The following CDH13 variants were observed in gnomAD, a reference collection of about 807,000 sequenced individuals.
CDH13 encodes the protein cadherin 13.
Under a neutral mutation model 63.8 loss-of-function variants are expected in CDH13, and 24 were observed. That is an observed-to-expected ratio of 0.38 (90% CI 0.27 to 0.53). The LOEUF is 0.53. CDH13 is among the 20% of genes least tolerant of loss of function. The probability of loss-of-function intolerance (pLI) is 0.85; values close to 1 mark genes in which losing one functional copy is unlikely to be tolerated. For synonymous variants in CDH13, 503 were observed against 355.3 expected (o/e 1.42, Z -4.67); for missense variants, 1,049 against 903.1 (o/e 1.16, Z -2.07).
At chr16:83,625,173 T>TGTGTGTGTGTGTGCTC (rs1491282764) in intron 8 of CDH13, among the ~76,000 whole-genome samples, 1 of 150,678 alleles carries the variant, frequency 6.6e-6, no homozygotes, top group Non-Finnish European at 1.5e-5. Flanking sequence ...TGTGTGCTCA[T>TGTGTGTGTGTGTGCTC]GTGTGTGTGT....
chr16:83,180,971 T>C, intron 4 of CDH13: 2 of 1,532,350 alleles, frequency 1.3e-6, no homozygotes, highest in Non-Finnish European at 8.7e-7. Flanking sequence ...GAACATCCTA[T>C]TTGGCGACAT....
intron 5 of CDH13, among the ~76,000 whole-genome samples, chr16:83,264,803 A>G (rs1907413049): frequency 6.6e-6 from 1 of 151,728 alleles, no homozygotes; most frequent in South Asian, 2.1e-4. Context: ...TTATACTATC[A>G]TCATACTATT....
chr16:83,779,057 G>A (rs1391292050), intron 11 of CDH13, among the ~76,000 whole-genome samples: 1 of 152,196 alleles, frequency 6.6e-6, no homozygotes, highest in East Asian at 1.9e-4. Context: ...ACTTTTTAGT[G>A]TGTGTCAGAA....
At chr16:83,655,811 C>G (rs1289956330) in intron 8 of CDH13, among the ~76,000 whole-genome samples, 2 of 152,122 alleles carry the variant, frequency 1.3e-5, no homozygotes, top group Non-Finnish European at 2.9e-5. Context: ...AAATTTGTAA[C>G]AAAATGACTC....
chr16:82,647,095 C>T (rs914176471), intron 1 of CDH13, among the ~76,000 whole-genome samples: 45 of 152,214 alleles, frequency 3.0e-4, no homozygotes, highest in African/African-American at 1.0e-3. Flanking sequence ...AAGCCCAGCT[C>T]TGCCACTGTA....
intron 10 of CDH13, among the ~76,000 whole-genome samples, chr16:83,715,408 G>T (rs1300990818): frequency 6.6e-6 from 1 of 152,180 alleles, no homozygotes; most frequent in Non-Finnish European, 1.5e-5. Context: ...TCAGGCAGTT[G>T]TTTGTTTTAG....
At chr16:83,232,294 G>T (rs7186556) in intron 5 of CDH13, among the ~76,000 whole-genome samples, 1 of 145,632 alleles carries the variant, frequency 6.9e-6, no homozygotes, top group African/African-American at 2.6e-5. Context: ...GGAAGCTGAG[G>T]CGAGCAGATC....
At chr16:83,539,279 C>G (rs2075255666) in intron 7 of CDH13, among the ~76,000 whole-genome samples, 1 of 152,150 alleles carries the variant, frequency 6.6e-6, no homozygotes, top group East Asian at 1.9e-4. Flanking sequence ...AGATCCCTCA[C>G]ACGTGCAGTT....
chr16:83,052,801 A>AAAAAAAAGAAAG (rs1555571697), intron 3 of CDH13, among the ~76,000 whole-genome samples: 1 of 122,656 alleles, frequency 8.2e-6, no homozygotes, highest in African/African-American at 3.3e-5. Context: ...AAAAAAAAAA[A>AAAAAAAAGAAAG]AAAGAAAGAA....
At chr16:82,851,004 C>T (rs2039458111) in intron 1 of CDH13, among the ~76,000 whole-genome samples, 1 of 152,150 alleles carries the variant, frequency 6.6e-6, no homozygotes, top group African/African-American at 2.4e-5. Context: ...TGTTTTATTG[C>T]TATGGTCTGG....
chr16:83,711,493 G>T (rs1318486146), intron 10 of CDH13, among the ~76,000 whole-genome samples: 3 of 152,044 alleles, frequency 2.0e-5, no homozygotes, highest in Non-Finnish European at 2.9e-5. Flanking sequence ...GTGTTTTGGG[G>T]TTTTTTATTT....
At chr16:83,583,914 C>A (rs1377235613) in intron 7 of CDH13, among the ~76,000 whole-genome samples, 1 of 151,886 alleles carries the variant, frequency 6.6e-6, no homozygotes, top group Non-Finnish European at 1.5e-5. Context: ...AAGACTCTGT[C>A]TCAAAGAAAT....
At chr16:83,200,203 C>T (rs180725288) in intron 4 of CDH13, among the ~76,000 whole-genome samples, 2 of 152,078 alleles carry the variant, frequency 1.3e-5, no homozygotes, top group African/African-American at 4.8e-5. Flanking sequence ...AGGGTGTGAG[C>T]CTGGGCGCTG....
At chr16:82,934,056 C>G (rs1197158544) in intron 2 of CDH13, among the ~76,000 whole-genome samples, 1 of 152,228 alleles carries the variant, frequency 6.6e-6, no homozygotes, top group Non-Finnish European at 1.5e-5. Context: ...CACAGCTCAA[C>G]TAGGCAGTGC....
chr16:83,193,022 G>T lies in CDH13; in HGVS notation c.484-24323G>T, dbSNP rs904098583. ...CAAAGATGGAGGCTGCCCATCATGG[G>T]TGACGGTAGAATCTGGTGTCAGATG... On this transcript the variant is annotated intron_variant, in intron 4 of 13. Transcript: ENST00000567109. Among the ~76,000 whole-genome samples the T allele has an allele frequency of 3.3e-5, 5 of 152,218 alleles. No individual in the cohort carries two copies. The East Asian group carries it at 7.7e-4, about 24-fold the overall frequency.
chr16:82,941,802 A>G (rs1051315800), intron 2 of CDH13, among the ~76,000 whole-genome samples: 3 of 152,100 alleles, frequency 2.0e-5, no homozygotes, highest in Non-Finnish European at 4.4e-5. Flanking sequence ...TGATTATTCT[A>G]TATTCTTGCT....
At chr16:83,687,542 G>A (rs1434783777) in intron 10 of CDH13, among the ~76,000 whole-genome samples, 2 of 152,272 alleles carry the variant, frequency 1.3e-5, no homozygotes, top group Non-Finnish European at 2.9e-5. Flanking sequence ...TGATCCCATC[G>A]CCTCCCACCA....
Position 82,895,033 on chromosome 16 carries a change from C to A in CDH13, c.157+36560C>A, listed in dbSNP as rs562033081. ...TGGATTGTATCAGCCATGATGTTTT[C>A]CTTCTTCCTGTCAAGGTGAAATTTA... On this transcript the variant is annotated intron_variant, in intron 2 of 13. Coordinates refer to ENST00000567109, the MANE Select transcript of CDH13 (RefSeq NM_001257.5). Among the ~76,000 whole-genome samples the A allele has an allele frequency of 5.3e-5, 8 of 152,270 alleles. No individual in the cohort carries two copies. The East Asian group carries it at 1.5e-3, about 29-fold the overall frequency.
intron 2 of CDH13, among the ~76,000 whole-genome samples, chr16:83,015,343 C>A (rs1914648967): frequency 6.6e-6 from 1 of 151,580 alleles, no homozygotes; most frequent in Non-Finnish European, 1.5e-5. Flanking sequence ...CGCTGCAATT[C>A]AGTGATCAAT....
Sources: gnomAD v4.1 joint callset for allele counts (sites outside exome capture counted in the v4.1 genomes callset) on GRCh38, gnomAD v4.1.1 for gene constraint, MANE v1.5 for transcripts, NCBI Gene and HGNC (gene_info 2026-07-23, HGNC 2026-07-21) for gene names.